Variants in GPC5 observed in about 807,000 individuals in gnomAD.
GPC5 encodes the protein glypican 5.
In GPC5, 47 loss-of-function variants were observed where a neutral mutation model predicts 53.9. The observed-to-expected ratio is 0.87, with a 90% confidence interval of 0.69 to 1.11. The LOEUF (loss-of-function observed/expected upper bound fraction) is 1.11, where lower values mean the gene tolerates loss of function less well. Ranked by LOEUF, GPC5 falls within the 50% of genes most tolerant of loss-of-function variation. The pLI is 0.00. For synonymous variants in GPC5, 286 were observed against 263.3 expected (o/e 1.09, Z -0.84); for missense variants, 748 against 713.1 (o/e 1.05, Z -0.56).
intron 6 of GPC5, among the ~76,000 whole-genome samples, chr13:92,045,695 G>A (rs1014660686): frequency 6.6e-6 from 1 of 152,154 alleles, no homozygotes; most frequent in African/African-American, 2.4e-5. Context: ...TGTCACTAGA[G>A]AAGATGTATT....
chr13:92,514,444 G>A (rs1880693451), intron 7 of GPC5, among the ~76,000 whole-genome samples: 1 of 152,052 alleles, frequency 6.6e-6, no homozygotes, highest in South Asian at 2.1e-4. Flanking sequence ...TTTGGTACAA[G>A]GAAAACCACA....
chr13:92,036,764 ATGAG>A (rs1449438841), intron 6 of GPC5, among the ~76,000 whole-genome samples: 2 of 152,200 alleles, frequency 1.3e-5, no homozygotes, highest in Non-Finnish European at 2.9e-5. Context: ...TGTATATTGT[ATGAG>A]TGTTTATGCA....
chr13:92,569,676 T>C (rs1882963432), intron 7 of GPC5, among the ~76,000 whole-genome samples: 1 of 152,138 alleles, frequency 6.6e-6, no homozygotes, highest in Admixed American at 6.6e-5. Context: ...AAAGCAAAAG[T>C]AAATTCTGTT....
chr13:91,694,095 G>C (rs756109132), intron 3 of GPC5, among the ~76,000 whole-genome samples: 5 of 152,154 alleles, frequency 3.3e-5, no homozygotes, highest in Non-Finnish European at 7.3e-5. Flanking sequence ...GACGTGGCAA[G>C]AGCTCAGGTT....
chr13:91,730,956 G>A (rs897376107), intron 4 of GPC5, among the ~76,000 whole-genome samples: 2 of 152,090 alleles, frequency 1.3e-5, no homozygotes, highest in Admixed American at 1.3e-4. Context: ...CCACCACAGA[G>A]GCACAAATAT....
intron 2 of GPC5, among the ~76,000 whole-genome samples, chr13:91,551,189 C>A (rs1351135508): frequency 1.3e-5 from 2 of 151,900 alleles, no homozygotes; most frequent in African/African-American, 4.8e-5. Flanking sequence ...GGGTGAGAAT[C>A]AGCTATAAAA....
chr13:91,920,496 A>G (rs951707008), intron 6 of GPC5, among the ~76,000 whole-genome samples: 4 of 152,228 alleles, frequency 2.6e-5, no homozygotes, highest in African/African-American at 4.8e-5. Flanking sequence ...AATGTCAATC[A>G]TTTTCAGAAA....
intron 7 of GPC5, among the ~76,000 whole-genome samples, chr13:92,336,914 CA>C (rs2043327636): frequency 6.6e-6 from 1 of 152,152 alleles, no homozygotes; most frequent in East Asian, 1.9e-4. Context: ...GATCTTCCAG[CA>C]TGTACAAGAA....
At chr13:92,166,921 G>GTCTCTCTCTCTCTCTC (rs35310453) in intron 7 of GPC5, among the ~76,000 whole-genome samples, 6 of 128,506 alleles carry the variant, frequency 4.7e-5, no homozygotes, top group African/African-American at 1.5e-4. Flanking sequence ...ATAAGTCTCA[G>GTCTCTCTCTCTCTCTC]TCTCTCTCTC....
chr13:92,298,984 T>C (rs976217584), intron 7 of GPC5, among the ~76,000 whole-genome samples: 3 of 152,212 alleles, frequency 2.0e-5, no homozygotes, highest in African/African-American at 4.8e-5. Flanking sequence ...TTTTTTTGAA[T>C]AGAAATACAA....
chr13:92,281,866 C>G (rs2042918060), intron 7 of GPC5, among the ~76,000 whole-genome samples: 1 of 152,188 alleles, frequency 6.6e-6, no homozygotes, highest in South Asian at 2.1e-4. Flanking sequence ...GAATGCAGCT[C>G]CTTGCCAGCA....
At chr13:91,549,122 G>T (rs2030472698) in intron 2 of GPC5, among the ~76,000 whole-genome samples, 3 of 151,896 alleles carry the variant, frequency 2.0e-5, no homozygotes, top group Admixed American at 1.3e-4. Flanking sequence ...TAGAAAAATT[G>T]GCTGGGTATG....
chr13:91,557,497 G>A (rs56038938), intron 2 of GPC5, among the ~76,000 whole-genome samples: 39,730 of 152,034 alleles, frequency 0.26, 5,929 homozygotes, highest in African/African-American at 0.42. Context: ...TTGCTGACCC[G>A]GAGAGGGCTG....
At chr13:92,418,872 C>T (rs1480925298) in intron 7 of GPC5, among the ~76,000 whole-genome samples, 2 of 152,186 alleles carry the variant, frequency 1.3e-5, no homozygotes, top group Admixed American at 6.5e-5. Flanking sequence ...ACTTTATCCA[C>T]AGTACTTTTG....
At chr13:92,201,912 G>C (rs1409369577) in intron 7 of GPC5, among the ~76,000 whole-genome samples, 1 of 152,296 alleles carries the variant, frequency 6.6e-6, no homozygotes, top group East Asian at 1.9e-4. Context: ...CTTCATGGAA[G>C]TTACTTTGGC....
intron 7 of GPC5, among the ~76,000 whole-genome samples, chr13:92,418,437 A>G (rs1594185467): frequency 6.6e-6 from 1 of 152,326 alleles, no homozygotes; most frequent in East Asian, 1.9e-4. Context: ...TTAGGGAAAA[A>G]GAGAGTGAGT....
intron 7 of GPC5, among the ~76,000 whole-genome samples, chr13:92,612,568 T>C (rs1350377748): frequency 6.6e-6 from 1 of 152,114 alleles, no homozygotes; most frequent in East Asian, 1.9e-4. Flanking sequence ...CCACAGTTAG[T>C]GTTATTTCTT....
At chr13:91,470,759 C>T (rs1438781668) in intron 2 of GPC5, among the ~76,000 whole-genome samples, 2 of 152,088 alleles carry the variant, frequency 1.3e-5, no homozygotes, top group Non-Finnish European at 2.9e-5. Flanking sequence ...AGATTAGCTG[C>T]TTGCAAACAG....
intron 1 of GPC5, among the ~76,000 whole-genome samples, chr13:91,444,660 A>C (rs1173787600): frequency 6.6e-6 from 1 of 152,090 alleles, no homozygotes; most frequent in Non-Finnish European, 1.5e-5. Flanking sequence ...ATGTGTCTTG[A>C]ATCCCTGTTC....
Sources: gnomAD v4.1 joint callset for allele counts (sites outside exome capture counted in the v4.1 genomes callset) on GRCh38, gnomAD v4.1.1 for gene constraint, MANE v1.5 for transcripts, NCBI Gene and HGNC (gene_info 2026-07-23, HGNC 2026-07-21) for gene names.